MAN1A1: variants seen among roughly 807,000 people sequenced by gnomAD.
The protein encoded by MAN1A1 is mannosidase alpha class 1A member 1.
Under a neutral mutation model 70.8 loss-of-function variants are expected in MAN1A1, and 29 were observed. The observed-to-expected ratio is 0.41, with a 90% confidence interval of 0.31 to 0.56. MAN1A1 has a LOEUF of 0.56. Among genes scored for constraint, MAN1A1 ranks in the 20% least tolerant of loss-of-function variants. MAN1A1 has a pLI of 0.29. For synonymous variants in MAN1A1, 349 were observed against 330.1 expected (o/e 1.06, Z -0.62); for missense variants, 747 against 841.3 (o/e 0.89, Z 1.39).
At chr6:119,206,794 G>A (rs757935101) in intron 6 of MAN1A1, among the ~76,000 whole-genome samples, 47 of 152,288 alleles carry the variant, frequency 3.1e-4, no homozygotes, top group Non-Finnish European at 6.0e-4. Context: ...ACTGACTAAC[G>A]TCAATAAGCC....
intron 5 of MAN1A1, among the ~76,000 whole-genome samples, chr6:119,289,434 A>T (rs1280472581): frequency 3.4e-5 from 5 of 145,126 alleles, no homozygotes; most frequent in Admixed American, 2.7e-4. Context: ...ATAACTTTTT[A>T]AAAATATAGG....
chr6:119,193,687 T>C, intron 9 of MAN1A1, 90 bp downstream of exon 9: 1 of 750,632 alleles, frequency 1.3e-6, no homozygotes. Context: ...AACTCACTCA[T>C]GTAGTATACC....
intron 5 of MAN1A1, among the ~76,000 whole-genome samples, chr6:119,251,940 C>T (rs1257754708): frequency 6.6e-6 from 1 of 152,184 alleles, no homozygotes; most frequent in Non-Finnish European, 1.5e-5. Context: ...CTCATTCTTA[C>T]CTTCAGGAAT....
At chr6:119,226,365 CT>C (rs1452945658) in intron 6 of MAN1A1, among the ~76,000 whole-genome samples, 1 of 152,198 alleles carries the variant, frequency 6.6e-6, no homozygotes, top group Non-Finnish European at 1.5e-5. Context: ...ATGACACTGG[CT>C]TGTGTTACAG....
At position 119,333,322 on chromosome 6, in the gene MAN1A1, G is replaced by C. The variant is rs191103002; in HGVS notation, c.603+15141C>G. Among the ~76,000 whole-genome samples, 59 of 152,328 alleles carry C rather than the reference G, an allele frequency of 3.9e-4. 1 individual carries two copies. Among genetic ancestry groups the C allele is most frequent in the Admixed American group, 3.9e-3 (59 of 15,300 alleles). ...AAAAAGGTGATCCTTCTGAACACCA[G>C]TGGTAATGTATGGAATTCACCTCTC... is the stretch of plus-strand genomic sequence containing the variant. On this transcript the variant is annotated intron_variant, in intron 2 of 12. Coordinates refer to ENST00000368468, the MANE Select transcript of MAN1A1 (RefSeq NM_005907.4).
Position 119,264,365 on chromosome 6 carries a change from G to A in MAN1A1, c.898-16011C>T, listed in dbSNP as rs148701689. On this transcript the variant is annotated intron_variant, in intron 5 of 12. Coordinates refer to ENST00000368468, the MANE Select transcript of MAN1A1 (RefSeq NM_005907.4). ...AAACAATACTTTAATCAAAATATTT[G>A]TATAATACAAGTACTGTATTGTTCC... Among the ~76,000 whole-genome samples the A allele has an allele frequency of 4.2e-3, 640 of 152,320 alleles. 4 individuals are homozygous for A. Among genetic ancestry groups the A allele is most frequent in the African/African-American group, 0.014 (599 of 41,580 alleles).
chr6:119,262,977 C>T (rs1775650877), intron 5 of MAN1A1, among the ~76,000 whole-genome samples: 1 of 152,140 alleles, frequency 6.6e-6, no homozygotes, highest in African/African-American at 2.4e-5. Context: ...AATCAGCTTC[C>T]AGTGAATATA....
rs1402806900 is a variant in MAN1A1, at chr6:119,179,713, T to A, written c.*106A>T. On this transcript the variant is annotated 3_prime_UTR_variant, in exon 13 of 13. Coordinates refer to ENST00000368468, the MANE Select transcript of MAN1A1 (RefSeq NM_005907.4). Reference sequence around the variant, plus strand: ...ACTGCAAAACAATTTAAGAACTTAATCACAGACCTACTAATCAAAGTTCAT... The same window carrying A: ...ACTGCAAAACAATTTAAGAACTTAAACACAGACCTACTAATCAAAGTTCAT... 9.4e-7 allele frequency: 1 copy of A among 1,058,668 alleles called. No homozygotes were observed. The highest frequency in any genetic ancestry group is 1.6e-5 in the African/African-American group (1 of 62,644). 65.6% of individuals were successfully genotyped at this position (1,058,668 alleles called of 1,614,324 possible). A position where few individuals can be genotyped will look rare whatever the true frequency, so the allele number is the denominator to read the frequency against.
intron 5 of MAN1A1, among the ~76,000 whole-genome samples, chr6:119,289,304 C>T (rs1185616844): frequency 2.0e-5 from 3 of 151,762 alleles, no homozygotes; most frequent in Non-Finnish European, 2.9e-5. Context: ...AAGTTAAAAC[C>T]AAGGTCATCT....
intron 6 of MAN1A1, among the ~76,000 whole-genome samples, chr6:119,224,315 A>G (rs762001781): frequency 1.3e-5 from 2 of 152,246 alleles, no homozygotes; most frequent in Non-Finnish European, 2.9e-5. Context: ...TACTCAGGAT[A>G]CAGGAAGCGA....
intron 5 of MAN1A1, among the ~76,000 whole-genome samples, chr6:119,267,483 T>C (rs1330687374): frequency 2.0e-5 from 3 of 152,188 alleles, no homozygotes; most frequent in Non-Finnish European, 4.4e-5. Flanking sequence ...ACTTTCTAAA[T>C]AACCTTTTAA....
intron 6 of MAN1A1, among the ~76,000 whole-genome samples, chr6:119,239,513 C>T (rs1476829392): frequency 1.3e-5 from 2 of 152,036 alleles, no homozygotes; most frequent in Non-Finnish European, 2.9e-5. Context: ...TTGGCTGTAG[C>T]CTAAATATTT....
chr6:119,244,549 T>C (rs1175293727), intron 6 of MAN1A1, among the ~76,000 whole-genome samples: 1 of 152,118 alleles, frequency 6.6e-6, no homozygotes, highest in Non-Finnish European at 1.5e-5. Context: ...AATTAAAATT[T>C]TTTTTTCTGA....
chr6:119,281,316 G>A (rs767127915), intron 5 of MAN1A1, among the ~76,000 whole-genome samples: 1 of 152,198 alleles, frequency 6.6e-6, no homozygotes, highest in Admixed American at 6.5e-5. Context: ...ACTCTGGGCA[G>A]TTAAGAGGGC....
intron 6 of MAN1A1, chr6:119,210,886 C>G (rs1774031396): frequency 2.2e-6 from 1 of 455,806 alleles, no homozygotes; most frequent in Admixed American, 2.4e-5. Context: ...TGATATCCCA[C>G]CTCATATGGT....
intron 5 of MAN1A1, among the ~76,000 whole-genome samples, chr6:119,262,246 G>T (rs1277452266): frequency 6.6e-6 from 1 of 152,070 alleles, no homozygotes; most frequent in Non-Finnish European, 1.5e-5. Context: ...TAAAAGTGAG[G>T]TACTGTTACT....
intron 5 of MAN1A1, among the ~76,000 whole-genome samples, chr6:119,264,600 G>A (rs1024935244): frequency 6.6e-6 from 1 of 152,188 alleles, no homozygotes; most frequent in Middle Eastern, 3.4e-3. Flanking sequence ...TGTTGTTTAG[G>A]AGCTTATTTT....
intron 2 of MAN1A1, among the ~76,000 whole-genome samples, chr6:119,337,748 C>T (rs1773496919): frequency 6.6e-6 from 1 of 152,168 alleles, no homozygotes; most frequent in Admixed American, 6.5e-5. Flanking sequence ...TTTCTATTCT[C>T]CTCAACCACC....
chr6:119,251,863 T>A (rs1775326239), intron 5 of MAN1A1, among the ~76,000 whole-genome samples: 1 of 152,182 alleles, frequency 6.6e-6, no homozygotes, highest in Non-Finnish European at 1.5e-5. Context: ...CCTTCCCATA[T>A]CGGGGTTTTT....
Sources: gnomAD v4.1 joint callset for allele counts (sites outside exome capture counted in the v4.1 genomes callset) on GRCh38, gnomAD v4.1.1 for gene constraint, MANE v1.5 for transcripts, NCBI Gene and HGNC (gene_info 2026-07-23, HGNC 2026-07-21) for gene names.